GABRG3: variants seen among roughly 807,000 people sequenced by gnomAD.
GABRG3 encodes the protein gamma-aminobutyric acid receptor subunit gamma-3.
Under a neutral mutation model 48.8 loss-of-function variants are expected in GABRG3, and 25 were observed. The observed-to-expected ratio is 0.51, with a 90% CI of 0.37 to 0.72. The LOEUF is 0.72. GABRG3 is among the 30% of genes least tolerant of loss of function. The pLI is 0.00. For synonymous variants in GABRG3, 227 were observed against 217.6 expected, an observed-to-expected ratio of 1.04 and a Z score of -0.38; for missense variants, 394 against 577.9, an observed-to-expected ratio of 0.68 and a Z score of 3.26.
At chr15:27,271,763 C>T (rs907176508) in intron 3 of GABRG3, 6 of 378,422 alleles carry the variant, frequency 1.6e-5, no homozygotes, top group South Asian at 5.8e-5. Context: ...GAGAGGAGAG[C>T]GGTCAGGGAC....
At chr15:27,210,593 G>A (rs759479116) in intron 3 of GABRG3, among the ~76,000 whole-genome samples, 1 of 152,216 alleles carries the variant, frequency 6.6e-6, no homozygotes, top group Non-Finnish European at 1.5e-5. Flanking sequence ...TACTGTGCCT[G>A]ATAAATGGAG....
intron 3 of GABRG3, among the ~76,000 whole-genome samples, chr15:27,190,596 A>G (rs1024279783): frequency 6.6e-6 from 1 of 151,606 alleles, no homozygotes; most frequent in African/African-American, 2.4e-5. Flanking sequence ...TTTTTATTGC[A>G]TCTATTTTAT....
At chr15:27,250,883 C>T (rs1011167090) in intron 3 of GABRG3, among the ~76,000 whole-genome samples, 4 of 152,194 alleles carry the variant, frequency 2.6e-5, no homozygotes, top group Non-Finnish European at 5.9e-5. Context: ...CTGGGCAGCA[C>T]CCGCTGGGTG....
intron 3 of GABRG3, among the ~76,000 whole-genome samples, chr15:27,028,354 G>A (rs1896021053): frequency 6.6e-6 from 1 of 152,192 alleles, no homozygotes; most frequent in African/African-American, 2.4e-5. Context: ...GTGGAGAGAT[G>A]CCTGGAGGGG....
chr15:27,161,716 T>C (rs1025657439), intron 3 of GABRG3, among the ~76,000 whole-genome samples: 1 of 152,172 alleles, frequency 6.6e-6, no homozygotes, highest in African/African-American at 2.4e-5. Context: ...TTTTTACTTG[T>C]GGTATGAGGT....
intron 3 of GABRG3, among the ~76,000 whole-genome samples, chr15:27,250,792 A>G (rs1566980059): frequency 6.6e-6 from 1 of 152,140 alleles, no homozygotes; most frequent in Non-Finnish European, 1.5e-5. Context: ...TTTCTTAGTC[A>G]ATTAAGTCGG....
At chr15:27,413,257 A>G (rs72705749) in intron 5 of GABRG3, among the ~76,000 whole-genome samples, 25,531 of 151,706 alleles carry the variant, frequency 0.17, 2,272 homozygotes, top group Middle Eastern at 0.27. Flanking sequence ...AGTAATTACA[A>G]CAAGTCTACC....
At chr15:27,406,096 A>G (rs865937391) in intron 5 of GABRG3, among the ~76,000 whole-genome samples, 3 of 152,168 alleles carry the variant, frequency 2.0e-5, no homozygotes, top group African/African-American at 7.2e-5. Context: ...GTTTGAGACC[A>G]ATCTGGGCAA....
chr15:27,256,626 A>G (rs371717028), intron 3 of GABRG3, among the ~76,000 whole-genome samples: 1 of 152,102 alleles, frequency 6.6e-6, no homozygotes, highest in Non-Finnish European at 1.5e-5. Context: ...CTTTGCTTCT[A>G]TAAATCATTA....
At chr15:27,184,609 G>C (rs1194386738) in intron 3 of GABRG3, among the ~76,000 whole-genome samples, 1 of 152,194 alleles carries the variant, frequency 6.6e-6, no homozygotes, top group East Asian at 1.9e-4. Flanking sequence ...GTATAAAATT[G>C]TTGTTGTTAA....
At chr15:27,187,332 A>G (rs1449570382) in intron 3 of GABRG3, among the ~76,000 whole-genome samples, 2 of 152,092 alleles carry the variant, frequency 1.3e-5, no homozygotes, top group Non-Finnish European at 2.9e-5. Context: ...GTAGCCTTGT[A>G]GTATAGTTTA....
chr15:27,527,835 G>A (rs976776680), intron 8 of GABRG3, 98 bp from the exon 9 acceptor site: 3 of 1,058,064 alleles, frequency 2.8e-6, no homozygotes, highest in African/African-American at 1.6e-5. Context: ...CGGTGACGTG[G>A]CTTGGTTTAG....
At chr15:27,496,647 G>T (rs1362899275) in intron 6 of GABRG3, among the ~76,000 whole-genome samples, 1 of 152,164 alleles carries the variant, frequency 6.6e-6, no homozygotes, top group Non-Finnish European at 1.5e-5. Context: ...ATTTAACTTA[G>T]TGGATAGGGT....
intron 3 of GABRG3, among the ~76,000 whole-genome samples, chr15:27,088,749 A>C (rs897870237): frequency 4.6e-5 from 7 of 152,140 alleles, no homozygotes; most frequent in Non-Finnish European, 1.0e-4. Context: ...AACCGTCCCC[A>C]AAATCCAGTC....
At chr15:27,124,490 G>T (rs1897784021) in intron 3 of GABRG3, among the ~76,000 whole-genome samples, 1 of 152,174 alleles carries the variant, frequency 6.6e-6, no homozygotes, top group African/African-American at 2.4e-5. Context: ...AGATGTCCTT[G>T]CCCTAATTTA....
intron 2 of GABRG3, among the ~76,000 whole-genome samples, chr15:27,004,851 C>T (rs1455347455): frequency 2.6e-5 from 4 of 152,308 alleles, no homozygotes; most frequent in East Asian, 1.9e-4. Context: ...CACTGGCCTA[C>T]GACTGATGAC....
intron 3 of GABRG3, among the ~76,000 whole-genome samples, chr15:27,209,267 C>CA (rs1195824308): frequency 6.6e-6 from 1 of 152,252 alleles, no homozygotes; most frequent in Non-Finnish European, 1.5e-5. Flanking sequence ...TTCTGAGCAG[C>CA]ACGCAGATGA....
intron 5 of GABRG3, among the ~76,000 whole-genome samples, chr15:27,402,668 C>G (rs1029187163): frequency 6.6e-6 from 1 of 152,180 alleles, no homozygotes; most frequent in African/African-American, 2.4e-5. Context: ...CCTAGTTACC[C>G]AGAATGAAAT....
chr15:27,003,235 A>T (rs562476595), intron 2 of GABRG3, among the ~76,000 whole-genome samples: 253 of 127,082 alleles, frequency 2.0e-3, no homozygotes, highest in African/African-American at 5.7e-3. Flanking sequence ...TTATTTATTT[A>T]TTTTTTATTG....
Sources: allele counts gnomAD v4.1 joint callset (sites outside exome capture counted in the v4.1 genomes callset), GRCh38; gene constraint gnomAD v4.1.1; transcripts MANE v1.5; gene names NCBI Gene and HGNC (gene_info 2026-07-23, HGNC 2026-07-21).